Variants in LRRC4C observed in about 807,000 individuals in gnomAD.
LRRC4C encodes the protein leucine rich repeat containing 4C.
In LRRC4C, 5 loss-of-function variants were observed where a neutral mutation model predicts 33.6. The ratio of observed to expected loss-of-function variants is 0.15; its 90% CI spans 0.08 to 0.31. The LOEUF (loss-of-function observed/expected upper bound fraction) is 0.31. Among genes scored for constraint, LRRC4C ranks in the 10% least tolerant of loss-of-function variants. The pLI is 1.00. For synonymous variants in LRRC4C, 329 were observed against 302.0 expected (o/e 1.09, Z -0.93); for missense variants, 560 against 796.7 (o/e 0.70, Z 3.58).
chr11:41,450,684 A>T (rs575095344), intron 1 of LRRC4C, among the ~76,000 whole-genome samples: 3 of 152,234 alleles, frequency 2.0e-5, no homozygotes, highest in Admixed American at 2.0e-4. Flanking sequence ...ATAGAATTAA[A>T]TGTGTGACAG....
intron 5 of LRRC4C, among the ~76,000 whole-genome samples, chr11:40,200,784 A>AAAAAAAAAAAAAAAAAAAAAG (rs71060946): frequency 8.4e-4 from 66 of 78,438 alleles, no homozygotes; most frequent in East Asian, 2.1e-3. Flanking sequence ...AAAAAAAAAA[A>AAAAAAAAAAAAAAAAAAAAAG]AAAAGAAAAG....
intron 2 of LRRC4C, among the ~76,000 whole-genome samples, chr11:40,776,047 T>G (rs890372214): frequency 4.7e-5 from 7 of 148,442 alleles, no homozygotes; most frequent in Non-Finnish European, 8.8e-5. Flanking sequence ...GTTTTTGCTC[T>G]TAATTCTGTA....
chr11:40,952,825 C>T (rs1207031813), intron 1 of LRRC4C, among the ~76,000 whole-genome samples: 1 of 150,828 alleles, frequency 6.6e-6, no homozygotes, highest in Non-Finnish European at 1.5e-5. Context: ...TCCTGTCCCT[C>T]ACACACACCT....
intron 1 of LRRC4C, among the ~76,000 whole-genome samples, chr11:41,089,291 C>G (rs1295022542): frequency 1.3e-5 from 2 of 151,846 alleles, no homozygotes; most frequent in African/African-American, 4.8e-5. Flanking sequence ...TCCCAGTGGC[C>G]ACTTGATCGG....
chr11:41,164,775 C>T (rs1256605703), intron 1 of LRRC4C, among the ~76,000 whole-genome samples: 1 of 152,068 alleles, frequency 6.6e-6, no homozygotes, highest in African/African-American at 2.4e-5. Flanking sequence ...TGTCTGGGGT[C>T]CAGGGTCTAA....
chr11:40,280,469 C>A lies in LRRC4C; in HGVS notation c.-175-38871G>T, dbSNP rs142970141. Among the ~76,000 whole-genome samples the A allele has an allele frequency of 2.0e-5, 3 of 152,292 alleles. No individual in the cohort carries two copies. The East Asian group carries it at 5.8e-4, about 29-fold the overall frequency. On this transcript the variant is annotated intron_variant, in intron 4 of 6. Coordinates refer to ENST00000528697, the MANE Select transcript of LRRC4C (RefSeq NM_001258419.2). ...TAATATATCCTATGGCTCAGGTCTGCGACACGGTCCCGCAACAGCCCAGTA... is the reference window on the plus strand; with the variant it reads ...TAATATATCCTATGGCTCAGGTCTGAGACACGGTCCCGCAACAGCCCAGTA...
chr11:40,385,851 G>A (rs1347475569), intron 3 of LRRC4C, among the ~76,000 whole-genome samples: 2 of 103,380 alleles, frequency 1.9e-5, no homozygotes, highest in Admixed American at 1.1e-4. Context: ...TGGCAACAGA[G>A]TGAGACTCTG....
intron 3 of LRRC4C, among the ~76,000 whole-genome samples, chr11:40,363,706 T>C (rs556525691): frequency 1.2e-4 from 19 of 152,318 alleles, no homozygotes. Context: ...CTAGACACTC[T>C]AAGGACCATA....
At chr11:41,061,259 TACTC>T (rs1937746879) in intron 1 of LRRC4C, among the ~76,000 whole-genome samples, 1 of 152,152 alleles carries the variant, frequency 6.6e-6, no homozygotes, top group Non-Finnish European at 1.5e-5. Context: ...ATTAGGAACT[TACTC>T]TTATTGATAA....
intron 3 of LRRC4C, among the ~76,000 whole-genome samples, chr11:40,495,811 A>ATTTTTTT (rs1565445743): frequency 1.9e-5 from 1 of 51,906 alleles, no homozygotes; most frequent in African/African-American, 7.1e-5. Context: ...CTCAATAAAC[A>ATTTTTTT]TGTTTTTTTT....
intron 1 of LRRC4C, among the ~76,000 whole-genome samples, chr11:41,453,664 G>A (rs531222477): frequency 6.6e-6 from 1 of 152,118 alleles, no homozygotes; most frequent in South Asian, 2.1e-4. Context: ...GTGTGTATGT[G>A]TGTGTGTGTG....
Position 40,442,534 on chromosome 11 carries a change from G to C in LRRC4C, c.-269-122813C>G, listed in dbSNP as rs576849788. ...ATAAGAATCAAATACAATGGAACCA[G>C]AGAGAAGGAATCTACTATCAATGCT... On this transcript the variant is annotated intron_variant, in intron 3 of 6. Transcript: ENST00000528697. Among the ~76,000 whole-genome samples, 4 of 152,268 alleles carry C rather than the reference G, an allele frequency of 2.6e-5. 1 individual carries two copies. The South Asian group carries it at 8.3e-4, about 32-fold the overall frequency.
chr11:40,959,029 G>A (rs1959079100), intron 1 of LRRC4C, among the ~76,000 whole-genome samples: 1 of 151,648 alleles, frequency 6.6e-6, no homozygotes, highest in African/African-American at 2.4e-5. Context: ...GAGCAGCCCA[G>A]GAGCAGTGGT....
chr11:40,591,368 G>A (rs527905461), intron 3 of LRRC4C, among the ~76,000 whole-genome samples: 8 of 152,018 alleles, frequency 5.3e-5, no homozygotes, highest in Admixed American at 1.3e-4. Context: ...ACTGACCTGC[G>A]CCCACTGTCT....
chr11:41,118,584 C>G (rs1259428770), intron 1 of LRRC4C, among the ~76,000 whole-genome samples: 1 of 152,162 alleles, frequency 6.6e-6, no homozygotes, highest in Non-Finnish European at 1.5e-5. Flanking sequence ...ATAGTCAATT[C>G]ATTCGTTTCT....
chr11:40,218,635 T>C (rs1343181471), intron 5 of LRRC4C, among the ~76,000 whole-genome samples: 1 of 145,020 alleles, frequency 6.9e-6, no homozygotes, highest in Non-Finnish European at 1.5e-5. Context: ...TGTATGTATG[T>C]ATCTATTTAT....
At chr11:41,306,945 T>C (rs912391640) in intron 1 of LRRC4C, among the ~76,000 whole-genome samples, 1 of 152,242 alleles carries the variant, frequency 6.6e-6, no homozygotes, top group East Asian at 1.9e-4. Flanking sequence ...CCATGTTTCA[T>C]GTACCTTAAG....
intron 3 of LRRC4C, among the ~76,000 whole-genome samples, chr11:40,441,398 G>T (rs538825039): frequency 1.5e-3 from 225 of 152,310 alleles, no homozygotes; most frequent in African/African-American, 5.1e-3. Flanking sequence ...ACAACAGTAT[G>T]ATTTCTGGTT....
chr11:40,473,810 A>G (rs2138321781), intron 3 of LRRC4C, among the ~76,000 whole-genome samples: 1 of 152,300 alleles, frequency 6.6e-6, no homozygotes, highest in East Asian at 1.9e-4. Context: ...ACACCATAAT[A>G]GACAAACAGA....
Sources: gnomAD v4.1 joint callset for allele counts (sites outside exome capture counted in the v4.1 genomes callset) on GRCh38, gnomAD v4.1.1 for gene constraint, MANE v1.5 for transcripts, NCBI Gene and HGNC (gene_info 2026-07-23, HGNC 2026-07-21) for gene names.